The following ANKS1B variants were observed in gnomAD, a reference collection of about 807,000 sequenced individuals.
The protein encoded by ANKS1B is ankyrin repeat and sterile alpha motif domain containing 1B, also known as ankyrin repeat and sterile alpha motif domain-containing protein 1B.
Under a neutral mutation model 148.3 loss-of-function variants are expected in ANKS1B, and 36 were observed. That is an observed-to-expected ratio of 0.24 (90% CI 0.19 to 0.32). The LOEUF is 0.32. ANKS1B is among the 10% of genes least tolerant of loss of function. The pLI, the probability that ANKS1B is intolerant of heterozygous loss-of-function variation, is 1.00. For missense variants in ANKS1B, 1,157 were observed against 1,542.6 expected (o/e 0.75, Z 4.19); for synonymous variants, 542 against 560.8 (o/e 0.97, Z 0.47).
At chr12:99,751,298 TAAAC>T (rs1337077458) in intron 8 of ANKS1B, among the ~76,000 whole-genome samples, 1 of 151,904 alleles carries the variant, frequency 6.6e-6, no homozygotes, top group African/African-American at 2.4e-5. Flanking sequence ...CTTATTAAAA[TAAAC>T]AAAAAATAAA....
At position 99,381,955 on chromosome 12, in the gene ANKS1B, G is replaced by A. The variant is rs540320999; in HGVS notation, c.1756+17676C>T. 1.1e-4 allele frequency among the ~76,000 whole-genome samples: 16 copies of A among 152,260 alleles called. No homozygotes were observed. In the South Asian group the frequency reaches 2.3e-3, roughly 22 times the overall value. On this transcript the variant is annotated intron_variant, in intron 12 of 26. Coordinates refer to ENST00000683438, the MANE Select transcript of ANKS1B (RefSeq NM_001352186.2). ...TCACTAAATTATGGCAAAGCAACTA[G>A]AACATGTTTTACAGATACAAATCTA...
intron 24 of ANKS1B, among the ~76,000 whole-genome samples, chr12:98,776,057 T>C (rs1294768302): frequency 6.6e-6 from 1 of 152,228 alleles, no homozygotes; most frequent in East Asian, 1.9e-4. Flanking sequence ...ATATTGCCAA[T>C]GCTAGAATGG....
At chr12:98,793,230 T>A (rs2098905235) in intron 22 of ANKS1B, among the ~76,000 whole-genome samples, 1 of 152,246 alleles carries the variant, frequency 6.6e-6, no homozygotes. Context: ...TGCATTTCCC[T>A]ACTGATTAAT....
rs571194227 is a variant in ANKS1B, at chr12:99,721,328, G to A, written c.1128+51594C>T. On this transcript the variant is annotated intron_variant, in intron 8 of 26. Coordinates refer to ENST00000683438, the MANE Select transcript of ANKS1B (RefSeq NM_001352186.2). ...TTTCTTAATATAAGAAGACAGGAAC[G>A]TCAGGCCTCTGAGCCCAAGCTAAGC... Among the ~76,000 whole-genome samples, 9 of 152,168 alleles carry A rather than the reference G, an allele frequency of 5.9e-5. No homozygotes were observed. The South Asian group carries it at 1.0e-3, about 18-fold the overall frequency.
intron 8 of ANKS1B, chr12:99,706,591 C>G (rs1369056508): frequency 6.6e-6 from 1 of 151,962 alleles, no homozygotes; most frequent in Non-Finnish European, 1.5e-5. Flanking sequence ...TTGTGTAATC[C>G]CCTCCCCTTG....
intron 1 of ANKS1B, among the ~76,000 whole-genome samples, chr12:99,837,585 G>T (rs1412464293): frequency 1.3e-5 from 2 of 152,120 alleles, no homozygotes; most frequent in Admixed American, 1.3e-4. Flanking sequence ...TGAGACGGGG[G>T]CTTTTATAAC....
At chr12:99,262,344 T>C (rs1021507462) in intron 12 of ANKS1B, among the ~76,000 whole-genome samples, 2 of 152,082 alleles carry the variant, frequency 1.3e-5, no homozygotes, top group African/African-American at 2.4e-5. Flanking sequence ...GGCTGGAACA[T>C]AGTGGATAAT....
rs2098934641 is a variant in ANKS1B at position 98,794,969 on chromosome 12, A to G, written c.3342+3965T>C. The G allele has an allele frequency of 4.5e-6, 5 of 1,099,428 alleles. No homozygotes were observed. In the Admixed American group the frequency reaches 8.4e-5, roughly 19 times the overall value. 68.1% of individuals were successfully genotyped at this position (1,099,428 alleles called of 1,614,324 possible). A position where few individuals can be genotyped will look rare whatever the true frequency, so the allele number is the denominator to read the frequency against. On this transcript the variant is annotated intron_variant, in intron 22 of 26. Coordinates refer to ENST00000683438, the MANE Select transcript of ANKS1B (RefSeq NM_001352186.2). ...GATGTGGACATGGAAGATGCTTCTT[A>G]AAAATCTCTGTAACCATTTCTTTTA... is the stretch of plus-strand genomic sequence containing the variant.
At chr12:98,953,009 T>A (rs919871634) in intron 17 of ANKS1B, among the ~76,000 whole-genome samples, 5 of 146,766 alleles carry the variant, frequency 3.4e-5, no homozygotes, top group African/African-American at 1.1e-4. Context: ...CAAGCACACA[T>A]CTCTGCACTC....
At chr12:99,748,019 G>A (rs1252848356) in intron 8 of ANKS1B, among the ~76,000 whole-genome samples, 1 of 152,020 alleles carries the variant, frequency 6.6e-6, no homozygotes, top group Non-Finnish European at 1.5e-5. Context: ...ATTCTTAAAG[G>A]TAGAGACTTA....
intron 15 of ANKS1B, among the ~76,000 whole-genome samples, chr12:99,103,375 C>T (rs1401802536): frequency 1.3e-5 from 2 of 152,144 alleles, no homozygotes; most frequent in African/African-American, 4.8e-5. Context: ...TGAGGTTACC[C>T]ATCATGAACT....
intron 8 of ANKS1B, among the ~76,000 whole-genome samples, chr12:99,766,070 C>T (rs1323427428): frequency 6.6e-6 from 1 of 152,156 alleles, no homozygotes; most frequent in Non-Finnish European, 1.5e-5. Flanking sequence ...ACTTTGGTCT[C>T]TGGAATTCAT....
intron 17 of ANKS1B, among the ~76,000 whole-genome samples, chr12:99,048,242 A>C (rs1443364201): frequency 6.6e-6 from 1 of 152,200 alleles, no homozygotes; most frequent in East Asian, 1.9e-4. Context: ...CTAAAATAAA[A>C]ATTTTAAGGT....
chr12:99,377,023 T>C (rs1014073018), intron 12 of ANKS1B, among the ~76,000 whole-genome samples: 20 of 152,012 alleles, frequency 1.3e-4, no homozygotes, highest in Non-Finnish European at 8.8e-5. Flanking sequence ...TCTTTTTTTT[T>C]TTTGAGATGG....
chr12:99,317,387 G>A (rs1230559229), intron 12 of ANKS1B, among the ~76,000 whole-genome samples: 1 of 152,142 alleles, frequency 6.6e-6, no homozygotes, highest in Non-Finnish European at 1.5e-5. Flanking sequence ...CATGTTCCTT[G>A]TAAGTTGGAT....
At chr12:98,871,139 A>G (rs1437242232) in intron 17 of ANKS1B, among the ~76,000 whole-genome samples, 1 of 152,168 alleles carries the variant, frequency 6.6e-6, no homozygotes, top group African/African-American at 2.4e-5. Flanking sequence ...TCCTCATGTA[A>G]TGTAAGTGAT....
intron 8 of ANKS1B, among the ~76,000 whole-genome samples, chr12:99,703,850 C>T (rs764088843): frequency 6.6e-6 from 1 of 151,948 alleles, no homozygotes; most frequent in East Asian, 1.9e-4. Context: ...TTTGATAAAT[C>T]GAAAAATCTA....
chr12:99,140,948 C>G (rs1400761886), intron 15 of ANKS1B, among the ~76,000 whole-genome samples: 1 of 152,110 alleles, frequency 6.6e-6, no homozygotes, highest in Admixed American at 6.6e-5. Flanking sequence ...TCAGAAGAAA[C>G]ATATTTCCAT....
intron 12 of ANKS1B, among the ~76,000 whole-genome samples, chr12:99,264,567 T>C (rs766782112): frequency 2.6e-4 from 39 of 152,166 alleles, no homozygotes; most frequent in Non-Finnish European, 4.6e-4. Flanking sequence ...TTGAGATCCA[T>C]TTGACGTTAG....
Sources: allele counts gnomAD v4.1 joint callset (sites outside exome capture counted in the v4.1 genomes callset), GRCh38; gene constraint gnomAD v4.1.1; transcripts MANE v1.5; gene names NCBI Gene and HGNC (gene_info 2026-07-23, HGNC 2026-07-21).